KIF1A: variants seen among roughly 807,000 people sequenced by gnomAD.
The protein encoded by KIF1A is kinesin family member 1A, also known as kinesin-like protein KIF1A.
Under a neutral mutation model 227.3 loss-of-function variants are expected in KIF1A, and 46 were observed. The observed-to-expected ratio is 0.20, with a 90% CI of 0.16 to 0.26. KIF1A has a LOEUF of 0.26. Among genes scored for constraint, KIF1A ranks in the 10% least tolerant of loss-of-function variants. The probability of loss-of-function intolerance (pLI) is 1.00; values close to 1 mark genes in which losing one functional copy is unlikely to be tolerated. For synonymous variants in KIF1A, 1,022 were observed against 1,012.8 expected (o/e 1.01, Z -0.17); for missense variants, 1,683 against 2,485.9 (o/e 0.68, Z 6.87).
At chr2:240,743,825 G>A (rs1466165683) in intron 33 of KIF1A, 117 bp downstream of exon 33, 2 of 678,822 alleles carry the variant, frequency 2.9e-6, no homozygotes. Context: ...TGGATGGGCA[G>A]GGGAGGTGGG....
chr2:240,765,696 G>C lies in KIF1A; in HGVS notation c.1768+14C>G, dbSNP rs2051087837. 2 of 1,607,268 alleles carry C rather than the reference G, an allele frequency of 1.2e-6. No individual in the cohort carries two copies. Among genetic ancestry groups the C allele is most frequent in the Non-Finnish European group, 1.7e-6 (2 of 1,174,710 alleles). On this transcript the variant is annotated intron_variant, in intron 20 of 48. Coordinates refer to ENST00000498729, the MANE Select transcript of KIF1A (RefSeq NM_001244008.2). ...TCTGCCTACCTGACTGGCCCCCGGA[G>C]TCCCCAGCCATACCTGAACGCAGGA...
intron 38 of KIF1A, among the ~76,000 whole-genome samples, chr2:240,728,126 G>A (rs947085598): frequency 6.6e-6 from 1 of 152,200 alleles, no homozygotes; most frequent in African/African-American, 2.4e-5. Context: ...GTGGAGCACA[G>A]GTGGCACCAG....
rs777769603 is a variant in KIF1A, at chr2:240,745,812, G to T, written c.3300C>A (p.Thr1100=). The T allele has an allele frequency of 5.0e-6, 8 of 1,613,036 alleles. No individual in the cohort carries two copies. Among genetic ancestry groups the T allele is most frequent in the Non-Finnish European group, 6.8e-6 (8 of 1,179,702 alleles). Residue 1100 remains threonine, a synonymous_variant, in exon 31 of 49, where the codon ACC becomes ACA. Coordinates refer to ENST00000498729, the MANE Select transcript of KIF1A (RefSeq NM_001244008.2). ...AALDHLRLGN[T]FTFRVTVLQA... ...GCAGGACTGTCACACGGAAGGTGAA[G>T]GTGTTGCCCAGGCGGAGGTGGTCCA...
At chr2:240,786,116 G>A (rs1486773472) in intron 6 of KIF1A, among the ~76,000 whole-genome samples, 1 of 152,222 alleles carries the variant, frequency 6.6e-6, no homozygotes, top group Non-Finnish European at 1.5e-5. Flanking sequence ...CCATGAAGGA[G>A]AAGCCCCATG....
chr2:240,727,163 A>C (rs2046114655), intron 38 of KIF1A, among the ~76,000 whole-genome samples: 2 of 152,244 alleles, frequency 1.3e-5, no homozygotes, highest in African/African-American at 4.8e-5. Context: ...GGGTGAGCCC[A>C]GCATTTTCCC....
intron 15 of KIF1A, among the ~76,000 whole-genome samples, chr2:240,770,280 A>G (rs867281837): frequency 6.6e-6 from 1 of 152,228 alleles, no homozygotes; most frequent in Non-Finnish European, 1.5e-5. Context: ...CTAGAAACCT[A>G]AAATGATCCC....
Position 240,788,306 on chromosome 2 carries a change from AG to A in KIF1A, c.184-77del. 1 of 1,419,696 alleles carries A rather than the reference AG, an allele frequency of 7.0e-7. No homozygotes were observed. Among genetic ancestry groups the A allele is most frequent in the Non-Finnish European group, 9.8e-7 (1 of 1,018,240 alleles). 87.9% of individuals were successfully genotyped at this position (1,419,696 alleles called of 1,614,324 possible). ...CTCAGCCCATCATGTCTGCGGAGCCAGGGGATGCCCAGGGCCTCAGGGTGCC... is the reference window on the plus strand; with the variant it reads ...CTCAGCCCATCATGTCTGCGGAGCCAGGGATGCCCAGGGCCTCAGGGTGCC... On this transcript the variant is annotated intron_variant, in intron 3 of 48. Transcript: ENST00000498729. The surrounding 1 kb of genome is among the most constrained non-coding windows in gnomAD (Gnocchi z 6.6).
At chr2:240,785,202 T>G in intron 6 of KIF1A, 102 bp from the exon 7 acceptor site, 3 of 947,532 alleles carry the variant, frequency 3.2e-6, no homozygotes, top group Non-Finnish European at 3.3e-6. Flanking sequence ...GGGGGGGCAG[T>G]TCCCCCAGAC....
At chr2:240,751,987 C>T (rs1262948668) in intron 27 of KIF1A, among the ~76,000 whole-genome samples, 1 of 152,142 alleles carries the variant, frequency 6.6e-6, no homozygotes, top group Non-Finnish European at 1.5e-5. Flanking sequence ...TCTGAGTGGC[C>T]CTGCTAAGCT....
chr2:240,788,041 C>CCCCGGGGG lies in KIF1A; in HGVS notation c.363+9_363+10insCCCCCGGG. 4.6e-6 allele frequency: 7 copies of CCCCGGGGG among 1,520,656 alleles called. No homozygotes were observed. The highest frequency in any genetic ancestry group is 6.2e-6 in the Non-Finnish European group (7 of 1,121,290). 94.2% of individuals were successfully genotyped at this position (1,520,656 alleles called of 1,614,324 possible). A position where few individuals can be genotyped will look rare whatever the true frequency, so the allele number is the denominator to read the frequency against. On this transcript the variant is annotated intron_variant, in intron 4 of 48. Transcript: ENST00000498729. The surrounding 1 kb of genome is among the most constrained non-coding windows in gnomAD (Gnocchi z 6.6). ...GCCAGGGCTGCCCCCGCCCGCCCCC[C>CCCCGGGGG]GCTTCGTGCCTGTGGGATGATGCCC... is the stretch of plus-strand genomic sequence containing the variant.
intron 20 of KIF1A, 106 bp from the exon 21 acceptor site, chr2:240,763,452 C>G: frequency 9.6e-7 from 1 of 1,045,510 alleles, no homozygotes; most frequent in East Asian, 2.8e-5. Context: ...GCAGGCACCC[C>G]ACCATCCCCA....
At chr2:240,723,930 G>A (rs780135635) in intron 41 of KIF1A, 45 bp downstream of exon 41, 4 of 1,532,554 alleles carry the variant, frequency 2.6e-6, no homozygotes, top group Non-Finnish European at 3.6e-6. Flanking sequence ...GGCAGAGGTT[G>A]AGCAGGCCAG....
intron 5 of KIF1A, 74 bp from the exon 6 acceptor site, chr2:240,786,587 TGA>T: frequency 7.0e-7 from 1 of 1,422,018 alleles, no homozygotes; most frequent in South Asian, 1.2e-5. Flanking sequence ...GACCCCTGAG[TGA>T]GGGGGTAGGG....
intron 4 of KIF1A, 32 bp from the exon 5 acceptor site, chr2:240,787,348 G>A: frequency 6.3e-7 from 1 of 1,589,444 alleles, no homozygotes; most frequent in Non-Finnish European, 8.6e-7. Context: ...CAGCCAGGGA[G>A]GGCTGGGGCT....
chr2:240,721,288 C>T (rs2045345895), intron 44 of KIF1A, among the ~76,000 whole-genome samples: 1 of 152,194 alleles, frequency 6.6e-6, no homozygotes, highest in Admixed American at 6.5e-5. Flanking sequence ...GCCAATGCCT[C>T]GAGGAGTGGG....
Position 240,775,978 on chromosome 2 carries a change from G to A in KIF1A, c.883-52C>T, listed in dbSNP as rs970537345. ...AGCCCGAGCCCACTGCAGAGGAAGCGAAAGGGAGGGGCCAGCGCAGGCCCT... is the reference window on the plus strand; with the variant it reads ...AGCCCGAGCCCACTGCAGAGGAAGCAAAAGGGAGGGGCCAGCGCAGGCCCT... On this transcript the variant is annotated intron_variant, in intron 10 of 48. Transcript: ENST00000498729. The surrounding 1 kb of genome is among the most constrained non-coding windows in gnomAD (Gnocchi z 5.5). The A allele has an allele frequency of 4.2e-5, 53 of 1,271,108 alleles. No homozygotes were observed. Among genetic ancestry groups the A allele is most frequent in the Admixed American group, 1.5e-4 (9 of 58,128 alleles). The allele number at this position is 1,271,108 out of a possible 1,614,324, so 78.7% of individuals were successfully genotyped here. A position where few individuals can be genotyped will look rare whatever the true frequency, so the allele number is the denominator to read the frequency against.
intron 1 of KIF1A, among the ~76,000 whole-genome samples, chr2:240,816,931 C>T (rs1178832744): frequency 1.3e-5 from 2 of 152,208 alleles, no homozygotes; most frequent in African/African-American, 4.8e-5. Context: ...GCCAGCTGTT[C>T]CCTGGGTTCT....
In KIF1A at chr2:240,726,859, C is replaced by G; in HGVS notation, c.4089G>C (p.Glu1363Asp). The G allele has an allele frequency of 6.2e-7, 1 of 1,612,424 alleles. No homozygotes were observed. Among genetic ancestry groups the G allele is most frequent in the Non-Finnish European group, 8.5e-7 (1 of 1,179,306 alleles). ...LLLNRVTPYR[E>D]KIYMTLSAYI... The stretch of plus-strand genomic sequence containing the variant: ...AAGCGGAGAGTGTCATGTAGATTTT[C>G]TCTCGATAAGGGGTGACCCGGTTCA... Residue 1363 changes from glutamate to aspartate, a missense_variant, in exon 39 of 49, where the codon GAG (glutamate) becomes GAC (aspartate). Transcript: ENST00000498729. This position sits in a 1 kb window ranked among gnomAD's most constrained non-coding sequence, Gnocchi z 5.2.
chr2:240,765,859 T>C (rs995978407), intron 19 of KIF1A, 66 bp from the exon 20 acceptor site: 2 of 1,199,618 alleles, frequency 1.7e-6, no homozygotes, highest in Admixed American at 1.8e-5. Flanking sequence ...GCAGCTCGGC[T>C]TACCTGGCCC....
Sources: allele counts gnomAD v4.1 joint callset (sites outside exome capture counted in the v4.1 genomes callset), GRCh38; gene constraint gnomAD v4.1.1; non-coding constraint Gnocchi (gnomAD v3.1); transcripts MANE v1.5; gene names NCBI Gene and HGNC (gene_info 2026-07-23, HGNC 2026-07-21).